The following RRN3 variants were observed in gnomAD, a reference collection of about 807,000 sequenced individuals.
RRN3 encodes the protein RNA polymerase I transcription factor RRN3.
In RRN3, 38 loss-of-function variants were observed where a neutral mutation model predicts 82.3. The ratio of observed to expected loss-of-function variants is 0.46; its 90% CI spans 0.36 to 0.61. The LOEUF (loss-of-function observed/expected upper bound fraction) is 0.61, where lower values mean the gene tolerates loss of function less well. Among genes scored for constraint, RRN3 ranks in the 20% least tolerant of loss-of-function variants. The probability of loss-of-function intolerance (pLI) is 0.00; values close to 1 mark genes in which losing one functional copy is unlikely to be tolerated. For missense variants in RRN3, 726 were observed against 793.1 expected (o/e 0.92, Z 1.02); for synonymous variants, 284 against 284.3 (o/e 1.00, Z 0.01).
chr16:15,081,328 C>T (rs2045694286), intron 8 of RRN3, among the ~76,000 whole-genome samples: 1 of 152,204 alleles, frequency 6.6e-6, no homozygotes, highest in African/African-American at 2.4e-5. Context: ...TTTACATTCT[C>T]ACAGCAACAT....
chr16:15,083,412 A>C, intron 8 of RRN3, 101 bp downstream of exon 8: 3 of 1,535,574 alleles, frequency 2.0e-6, no homozygotes, highest in Non-Finnish European at 2.6e-6. Flanking sequence ...AAAGAAAAAG[A>C]AAAAGAAAGA....
chr16:15,061,938 A>G (rs766814013), intron 17 of RRN3, 33 bp from the exon 18 acceptor site: 2 of 1,578,394 alleles, frequency 1.3e-6, no homozygotes, highest in African/African-American at 1.3e-5. Flanking sequence ...CAGTAACATC[A>G]CCAGTGCTGA....
At chr16:15,077,321 T>A (rs1597937527) in intron 9 of RRN3, among the ~76,000 whole-genome samples, 1 of 152,228 alleles carries the variant, frequency 6.6e-6, no homozygotes, top group South Asian at 2.1e-4. Context: ...AAGTCACACA[T>A]GTTGCTGGGG....
chr16:15,076,145 C>A (rs2151790000), intron 10 of RRN3, among the ~76,000 whole-genome samples: 1 of 152,286 alleles, frequency 6.6e-6, no homozygotes, highest in African/African-American at 2.4e-5. Context: ...GTCCCAAGGG[C>A]ACCTGAATCC....
chr16:15,078,260 T>C (rs924942372), intron 9 of RRN3, among the ~76,000 whole-genome samples: 1 of 152,062 alleles, frequency 6.6e-6, no homozygotes, highest in Non-Finnish European at 1.5e-5. Context: ...TCTTCCTGCT[T>C]TCCTATAGCA....
In RRN3 at chr16:15,070,555, G is replaced by A. The variant is rs2045179745; in HGVS notation, c.1260-301C>T. ...ACCATCTCAAAGGCACCCCTCTTAA[G>A]GTGATTGGCCAAACAGGACACGTTC... is the stretch of plus-strand genomic sequence containing the variant. On this transcript the variant is annotated intron_variant, in intron 13 of 17. Coordinates refer to ENST00000198767, the MANE Select transcript of RRN3 (RefSeq NM_018427.5). 2.0e-5 allele frequency among the ~76,000 whole-genome samples: 3 copies of A among 152,216 alleles called. No homozygotes were observed. The South Asian group carries it at 6.2e-4, about 32-fold the overall frequency.
chr16:15,085,818 C>T lies in RRN3; in HGVS notation c.473-120G>A, dbSNP rs566605107. 11 of 1,404,534 alleles carry T rather than the reference C, an allele frequency of 7.8e-6. 1 individual carries two copies. The South Asian group carries it at 1.4e-4, about 18-fold the overall frequency. 87.0% of individuals were successfully genotyped at this position (1,404,534 alleles called of 1,614,324 possible). On this transcript the variant is annotated intron_variant, in intron 5 of 17. Coordinates refer to ENST00000198767, the MANE Select transcript of RRN3 (RefSeq NM_018427.5). The stretch of plus-strand genomic sequence containing the variant: ...ATAAAAAAAGTTATTTTTCCATAAT[C>T]CAAAGTTAGCCCAATGATTAATTAA...
At chr16:15,070,421 T>C (rs2045174030) in intron 13 of RRN3, among the ~76,000 whole-genome samples, 167 bp from the exon 14 acceptor site, 2 of 151,646 alleles carry the variant, frequency 1.3e-5, no homozygotes, top group African/African-American at 4.8e-5. Context: ...AGGATAAGGA[T>C]GGGTGCGTAG....
chr16:15,063,865 T>G (rs1567184477), intron 16 of RRN3, among the ~76,000 whole-genome samples: 1 of 152,214 alleles, frequency 6.6e-6, no homozygotes, highest in African/African-American at 2.4e-5. Context: ...AAATTGTTTC[T>G]AAACTTTACA....
At position 15,074,828 on chromosome 16, in the gene RRN3, C is replaced by G. The variant is rs773182878; in HGVS notation, c.892G>C (p.Ala298Pro). 6.2e-7 allele frequency: 1 copy of G among 1,613,032 alleles called. No homozygotes were observed. The change falls in exon 11 of 18, where the codon GCT becomes CCT. Residue 298 changes from alanine to proline, a missense_variant. By Grantham distance (27) the Ala-to-Pro change is conservative. Transcript: ENST00000198767. ...ATCTGGTCGAGCCGTTCAGGACCAG[C>G]CTTTGTTTCATGTTCAGTTTCTTCA... ...EDEETEHETK[A>P]GPERLDQMVH...
At chr16:15,082,432 C>T (rs540116519) in intron 8 of RRN3, among the ~76,000 whole-genome samples, 2 of 152,002 alleles carry the variant, frequency 1.3e-5, no homozygotes, top group African/African-American at 2.4e-5. Context: ...CAACACTTTG[C>T]GAGGTGGAGA....
chr16:15,088,755 G>C (rs1349002682), intron 3 of RRN3, among the ~76,000 whole-genome samples: 1 of 152,162 alleles, frequency 6.6e-6, no homozygotes, highest in South Asian at 2.1e-4. Context: ...TGGCAGGCAT[G>C]TATAGTGACC....
At chr16:15,080,953 G>A (rs537561855) in intron 8 of RRN3, among the ~76,000 whole-genome samples, 44 of 152,014 alleles carry the variant, frequency 2.9e-4, no homozygotes, top group African/African-American at 1.0e-3. Flanking sequence ...TGTTTTTAGG[G>A]TTCAATCATG....
intron 6 of RRN3, among the ~76,000 whole-genome samples, chr16:15,084,916 A>C (rs550593443): frequency 2.0e-5 from 3 of 152,228 alleles, no homozygotes; most frequent in African/African-American, 4.8e-5. Flanking sequence ...AAATACAAAA[A>C]TTAGCCAGGC....
intron 12 of RRN3, 110 bp from the exon 13 acceptor site, chr16:15,071,361 C>T (rs564226584): frequency 1.3e-5 from 13 of 992,852 alleles, no homozygotes; most frequent in Non-Finnish European, 1.9e-5. Context: ...TCTACTATCT[C>T]ATAACTATCT....
In RRN3 at chr16:15,091,377, C is replaced by G. The variant is rs2046124287; in HGVS notation, c.196-6G>C. 6.3e-7 allele frequency: 1 copy of G among 1,575,086 alleles called. No homozygotes were observed. The highest frequency in any genetic ancestry group is 1.3e-5 in the African/African-American group (1 of 74,112). On this transcript the variant is annotated splice_polypyrimidine_tract_variant and splice_region_variant and intron_variant, in intron 2 of 17. Transcript: ENST00000198767. Reference sequence around the variant, plus strand: ...TCAAAGTCATTTGTTTCACCCTTAACAAGAAGGGGAAAGAATTAAGTTATG... The same window carrying G: ...TCAAAGTCATTTGTTTCACCCTTAAGAAGAAGGGGAAAGAATTAAGTTATG...
intron 3 of RRN3, among the ~76,000 whole-genome samples, chr16:15,088,114 C>T (rs571076483): frequency 2.0e-5 from 3 of 150,976 alleles, no homozygotes; most frequent in South Asian, 2.1e-4. Context: ...AAAACTCCGT[C>T]TCAAAAAGAA....
At position 15,093,857 on chromosome 16, in the gene RRN3, G is replaced by T; in HGVS notation, c.89+288C>A. The T allele has an allele frequency of 8.6e-6, 4 of 465,910 alleles. No homozygotes were observed. In the East Asian group the frequency reaches 1.7e-4, roughly 20 times the overall value. 28.9% of individuals were successfully genotyped at this position (465,910 alleles called of 1,614,324 possible). A position where few individuals can be genotyped will look rare whatever the true frequency, so the allele number is the denominator to read the frequency against. ...ATTTGGACGAAGAAGAGGGAAGGAA[G>T]AGGGGTCAAGGCGCAGAAGGCAGTA... On this transcript the variant is annotated intron_variant, in intron 1 of 17. Coordinates refer to ENST00000198767, the MANE Select transcript of RRN3 (RefSeq NM_018427.5).
At chr16:15,077,560 G>C (rs2151793947) in intron 9 of RRN3, among the ~76,000 whole-genome samples, 1 of 152,130 alleles carries the variant, frequency 6.6e-6, no homozygotes, top group East Asian at 1.9e-4. Flanking sequence ...CCTCTTTTTT[G>C]GCCAGGTGCA....
Sources: gnomAD v4.1 joint callset for allele counts (sites outside exome capture counted in the v4.1 genomes callset) on GRCh38, gnomAD v4.1.1 for gene constraint, MANE v1.5 for transcripts, NCBI Gene and HGNC (gene_info 2026-07-23, HGNC 2026-07-21) for gene names.